PRIM2: variants seen among roughly 807,000 people sequenced by gnomAD.
PRIM2 encodes the protein DNA primase subunit 2.
Under a neutral mutation model 67.3 loss-of-function variants are expected in PRIM2, and 39 were observed. That is an observed-to-expected ratio of 0.58 (90% CI 0.45 to 0.76). The LOEUF (loss-of-function observed/expected upper bound fraction) is 0.76. Among genes scored for constraint, PRIM2 ranks in the 30% least tolerant of loss-of-function variants. The pLI is 0.00. For missense variants in PRIM2, 398 were observed against 598.7 expected (o/e 0.66, Z 3.50); for synonymous variants, 143 against 198.7 (o/e 0.72, Z 2.36).
intron 7 of PRIM2, among the ~76,000 whole-genome samples, chr6:57,409,817 A>G (rs72871692): frequency 2.6e-5 from 4 of 152,152 alleles, no homozygotes; most frequent in Non-Finnish European, 5.9e-5. Flanking sequence ...GATTCAGTCT[A>G]TTTTATCAGT....
intron 13 of PRIM2, among the ~76,000 whole-genome samples, chr6:57,639,620 A>ACACCTATACACAAATAAG (rs1554359324): frequency 1.3e-5 from 1 of 78,658 alleles, no homozygotes; most frequent in Non-Finnish European, 2.5e-5. Context: ...AATACTGTAA[A>ACACCTATACACAAATAAG]CTAGAAAGTT....
At chr6:57,638,287 T>C (rs1777159055) in intron 13 of PRIM2, among the ~76,000 whole-genome samples, 1 of 152,150 alleles carries the variant, frequency 6.6e-6, no homozygotes, top group Non-Finnish European at 1.5e-5. Context: ...TACCAGCAAC[T>C]GCAAAAACAT....
chr6:57,399,720 A>G (rs1770641733), intron 7 of PRIM2, among the ~76,000 whole-genome samples: 1 of 152,002 alleles, frequency 6.6e-6, no homozygotes, highest in South Asian at 2.1e-4. Context: ...CTGACTTTTT[A>G]ATGATCGCCA....
intron 13 of PRIM2, among the ~76,000 whole-genome samples, chr6:57,641,988 C>T (rs1264224433): frequency 3.3e-5 from 5 of 152,124 alleles, no homozygotes; most frequent in African/African-American, 1.2e-4. Flanking sequence ...ACCCAAATGC[C>T]CACCAATGAT....
chr6:57,537,471 G>A lies in PRIM2; in HGVS notation c.866G>A (p.Arg289His), dbSNP rs1431355642. 3.4e-5 allele frequency: 50 copies of A among 1,459,266 alleles called. No homozygotes were observed. Among genetic ancestry groups the A allele is most frequent in the Admixed American group, 5.4e-5 (3 of 55,324 alleles). 90.4% of individuals were successfully genotyped at this position (1,459,266 alleles called of 1,614,324 possible). The change falls in exon 10 of 14, where the codon CGT becomes CAT. Residue 289 changes from arginine to histidine, a missense_variant. By Grantham distance (29) the Arg-to-His change is conservative. Transcript: ENST00000615550. The stretch of plus-strand genomic sequence containing the variant: ...ACCAAATCCTTCCCACCTTGCATGC[G>A]TCAGTTACATAAAGCCTTGCGGGAA... ...LSTKSFPPCM[R>H]QLHKALRENH... is the part of the protein sequence containing the mutation.
intron 5 of PRIM2, among the ~76,000 whole-genome samples, chr6:57,366,783 C>T (rs924720855): frequency 5.9e-5 from 9 of 152,080 alleles, no homozygotes; most frequent in Non-Finnish European, 1.0e-4. Context: ...GAACTTGAGG[C>T]ATTGAAACGT....
intron 5 of PRIM2, among the ~76,000 whole-genome samples, chr6:57,326,591 C>T (rs114061821): frequency 0.036 from 5,434 of 151,896 alleles, 315 homozygotes; most frequent in African/African-American, 0.12. Context: ...CATGGTGCTG[C>T]GCGTCCATAA....
At chr6:57,415,975 G>C (rs1244346988) in intron 7 of PRIM2, among the ~76,000 whole-genome samples, 2 of 152,062 alleles carry the variant, frequency 1.3e-5, no homozygotes, top group African/African-American at 4.8e-5. Flanking sequence ...ATGAGAGTTG[G>C]AATCAACTTC....
At chr6:57,271,585 G>T in the PRIM2 span, among the ~76,000 whole-genome samples, 9 of 152,130 alleles carry the variant, frequency 5.9e-5, no homozygotes, top group Non-Finnish European at 1.0e-4. Flanking sequence ...CCAGCTCCTG[G>T]ATTCATTGAT....
chr6:57,426,916 A>G (rs1304921280), intron 7 of PRIM2, among the ~76,000 whole-genome samples: 8 of 152,226 alleles, frequency 5.3e-5, no homozygotes, highest in Non-Finnish European at 1.0e-4. Context: ...GCTATGATAG[A>G]ATCCTATTTC....
intron 5 of PRIM2, among the ~76,000 whole-genome samples, chr6:57,374,345 G>C (rs9367733): frequency 4.7e-5 from 7 of 147,380 alleles, no homozygotes; most frequent in African/African-American, 1.0e-4. Context: ...CCAGGCTGGA[G>C]TGCAGTGGCG....
the PRIM2 span, among the ~76,000 whole-genome samples, chr6:57,309,395 G>A: frequency 6.7e-6 from 1 of 148,712 alleles, no homozygotes; most frequent in Non-Finnish European, 1.5e-5. Context: ...GCGGTGTTTG[G>A]TTTTTTGTTC....
intron 12 of PRIM2, among the ~76,000 whole-genome samples, chr6:57,627,476 C>T (rs1776970964): frequency 1.3e-5 from 2 of 151,202 alleles, no homozygotes; most frequent in Admixed American, 6.6e-5. Context: ...GTAACCTCCA[C>T]ATCCCGGGTT....
intron 5 of PRIM2, among the ~76,000 whole-genome samples, chr6:57,364,204 A>G (rs1197664253): frequency 6.6e-6 from 1 of 152,030 alleles, no homozygotes; most frequent in Admixed American, 6.6e-5. Context: ...TCTAAGAGTT[A>G]AAATCTGTGT....
intron 5 of PRIM2, among the ~76,000 whole-genome samples, chr6:57,379,266 G>T (rs1432819871): frequency 2.4e-5 from 3 of 126,832 alleles, no homozygotes; most frequent in Non-Finnish European, 3.3e-5. Context: ...GCTTACTGAG[G>T]CTAACTCACA....
chr6:57,343,766 T>G (rs1360463283), intron 5 of PRIM2, among the ~76,000 whole-genome samples: 1 of 152,060 alleles, frequency 6.6e-6, no homozygotes, highest in African/African-American at 2.4e-5. Context: ...GAAAAAAAAT[T>G]ATTCATGTCA....
chr6:57,386,417 CAAAA>C (rs71299586), intron 7 of PRIM2, among the ~76,000 whole-genome samples: 1 of 53,974 alleles, frequency 1.9e-5, no homozygotes, highest in Non-Finnish European at 4.4e-5. Context: ...TACCCTGTCT[CAAAA>C]AAAAAAAAAA....
intron 13 of PRIM2, among the ~76,000 whole-genome samples, chr6:57,640,325 A>G (rs1777208205): frequency 6.6e-6 from 1 of 152,228 alleles, no homozygotes; most frequent in African/African-American, 2.4e-5. Context: ...GAAAACTGGC[A>G]CAAGACAAGG....
intron 8 of PRIM2, among the ~76,000 whole-genome samples, chr6:57,526,988 T>C (rs1325804489): frequency 2.0e-5 from 3 of 152,218 alleles, no homozygotes; most frequent in Non-Finnish European, 2.9e-5. Flanking sequence ...GAGCTCTGAA[T>C]GGAGAAGGGC....
Sources: allele counts gnomAD v4.1 joint callset (sites outside exome capture counted in the v4.1 genomes callset), GRCh38; gene constraint gnomAD v4.1.1; transcripts MANE v1.5; gene names NCBI Gene and HGNC (gene_info 2026-07-23, HGNC 2026-07-21).